CTNND2: variants seen among roughly 807,000 people sequenced by gnomAD.
The protein encoded by CTNND2 is catenin delta-2.
CTNND2 carries 22 observed loss-of-function variants against 144.4 expected under a neutral mutation model. The ratio of observed to expected loss-of-function variants is 0.15; its 90% CI spans 0.11 to 0.22. CTNND2 has a LOEUF of 0.22. CTNND2 is among the 10% of genes least tolerant of loss of function. The pLI, the probability that CTNND2 is intolerant of heterozygous loss-of-function variation, is 1.00. For missense variants in CTNND2, 1,353 were observed against 1,618.8 expected (o/e 0.84, Z 2.82); for synonymous variants, 751 against 695.6 (o/e 1.08, Z -1.25).
chr5:10,991,283 C>T (rs1306513383), intron 19 of CTNND2, among the ~76,000 whole-genome samples: 1 of 152,146 alleles, frequency 6.6e-6, no homozygotes, highest in East Asian at 1.9e-4. Flanking sequence ...GTAGGGAGAC[C>T]ACTTTGCTGG....
intron 3 of CTNND2, among the ~76,000 whole-genome samples, chr5:11,479,115 A>G (rs1262310828): frequency 6.6e-6 from 1 of 152,062 alleles, no homozygotes; most frequent in Non-Finnish European, 1.5e-5. Context: ...ACCTGTACCT[A>G]TTACTTATTT....
intron 9 of CTNND2, among the ~76,000 whole-genome samples, chr5:11,280,504 G>C (rs1343758946): frequency 2.0e-5 from 3 of 152,178 alleles, no homozygotes; most frequent in African/African-American, 4.8e-5. Context: ...ATGATGGAGA[G>C]AGATCAAACT....
intron 3 of CTNND2, among the ~76,000 whole-genome samples, chr5:11,470,233 C>T (rs1191490902): frequency 6.6e-6 from 1 of 151,996 alleles, no homozygotes; most frequent in Non-Finnish European, 1.5e-5. Context: ...GTCAGGAGTT[C>T]GAGACCAGGC....
At chr5:11,863,978 C>G (rs1186514829) in intron 1 of CTNND2, among the ~76,000 whole-genome samples, 1 of 152,174 alleles carries the variant, frequency 6.6e-6, no homozygotes, top group Non-Finnish European at 1.5e-5. Flanking sequence ...CAGAACTCCA[C>G]GTTCTTTTAG....
intron 1 of CTNND2, among the ~76,000 whole-genome samples, chr5:11,737,265 A>T (rs1174561875): frequency 6.6e-6 from 1 of 152,190 alleles, no homozygotes; most frequent in Non-Finnish European, 1.5e-5. Context: ...CCAACCTGAT[A>T]TAGAAAAATG....
At chr5:11,866,733 A>C (rs1361472359) in intron 1 of CTNND2, among the ~76,000 whole-genome samples, 1 of 152,248 alleles carries the variant, frequency 6.6e-6, no homozygotes, top group Admixed American at 6.5e-5. Context: ...TGTTGTCCTA[A>C]TAACAAACTA....
At chr5:11,760,806 T>A (rs77179060) in intron 1 of CTNND2, among the ~76,000 whole-genome samples, 2 of 147,016 alleles carry the variant, frequency 1.4e-5, no homozygotes, top group Non-Finnish European at 3.0e-5. Context: ...AGTTTTTTTT[T>A]AATGATTCTC....
intron 9 of CTNND2, among the ~76,000 whole-genome samples, chr5:11,332,811 C>T (rs547067745): frequency 5.3e-5 from 8 of 152,258 alleles, no homozygotes; most frequent in South Asian, 2.1e-4. Context: ...ATGGGAGGGA[C>T]GTGGTGGGAG....
chr5:11,551,955 G>C (rs192553695), intron 3 of CTNND2, among the ~76,000 whole-genome samples: 3 of 151,956 alleles, frequency 2.0e-5, no homozygotes, highest in African/African-American at 4.8e-5. Context: ...GGCTGGTCTC[G>C]AACTCCTGGC....
intron 12 of CTNND2, among the ~76,000 whole-genome samples, chr5:11,124,137 C>T (rs905243551): frequency 6.6e-6 from 1 of 152,150 alleles, no homozygotes; most frequent in Non-Finnish European, 1.5e-5. Flanking sequence ...ACAACACAGG[C>T]ACCCCCAGTA....
At chr5:11,231,093 C>T (rs550333295) in intron 10 of CTNND2, among the ~76,000 whole-genome samples, 43 of 152,242 alleles carry the variant, frequency 2.8e-4, no homozygotes, top group Non-Finnish European at 4.1e-4. Context: ...GTGAGTCTCA[C>T]GAGATCTGAG....
intron 15 of CTNND2, among the ~76,000 whole-genome samples, chr5:11,086,315 G>T (rs188841318): frequency 2.0e-5 from 3 of 152,208 alleles, no homozygotes; most frequent in Non-Finnish European, 4.4e-5. Flanking sequence ...GTGTCCTGGA[G>T]AAGAGGCTGC....
At chr5:11,758,845 C>T (rs1362165555) in intron 1 of CTNND2, among the ~76,000 whole-genome samples, 2 of 152,028 alleles carry the variant, frequency 1.3e-5, no homozygotes, top group Non-Finnish European at 2.9e-5. Context: ...AGACTTCACA[C>T]ATTTTATTTT....
chr5:11,696,415 A>C (rs1785142756), intron 2 of CTNND2, among the ~76,000 whole-genome samples: 1 of 152,216 alleles, frequency 6.6e-6, no homozygotes, highest in South Asian at 2.1e-4. Context: ...CACTAGTTCA[A>C]GCCCCACTGC....
In CTNND2 at chr5:11,003,185, T is replaced by G. The variant is rs556125885; in HGVS notation, c.3085-10508A>C. On this transcript the variant is annotated intron_variant, in intron 18 of 21. Coordinates refer to ENST00000304623, the MANE Select transcript of CTNND2 (RefSeq NM_001332.4). ...GCCCACAAAGCTTGTCAAGTCTAAT[T>G]TTTTTTTTAAGTGACTTGAGATATA... is the stretch of plus-strand genomic sequence containing the variant. Among the ~76,000 whole-genome samples, 211 of 151,404 alleles carry G rather than the reference T, an allele frequency of 1.4e-3. 1 individual carries two copies. Among genetic ancestry groups the G allele is most frequent in the Middle Eastern group, 0.01 (3 of 294 alleles).
intron 15 of CTNND2, among the ~76,000 whole-genome samples, chr5:11,085,824 G>A (rs559789966): frequency 8.9e-4 from 136 of 152,290 alleles, no homozygotes; most frequent in Non-Finnish European, 1.6e-3. Context: ...CCCCTCCATG[G>A]ATAAGGGGGA....
chr5:11,194,140 C>A (rs1282716416), intron 11 of CTNND2, among the ~76,000 whole-genome samples: 3 of 152,088 alleles, frequency 2.0e-5, no homozygotes, highest in African/African-American at 7.2e-5. Flanking sequence ...ACAGATGGAG[C>A]TCAGGGAGAA....
At chr5:11,084,269 C>T (rs776699235) in intron 15 of CTNND2, among the ~76,000 whole-genome samples, 1 of 152,192 alleles carries the variant, frequency 6.6e-6, no homozygotes, top group Non-Finnish European at 1.5e-5. Flanking sequence ...GAACTGATAT[C>T]CCCTCCCAGG....
chr5:11,636,038 CCGCCACACA>C (rs1391968411), intron 2 of CTNND2, among the ~76,000 whole-genome samples: 1 of 150,588 alleles, frequency 6.6e-6, no homozygotes, highest in African/African-American at 2.4e-5. Context: ...CCCCCCACCC[CCGCCACACA>C]CACATTCATG....
Sources: allele counts gnomAD v4.1 joint callset (sites outside exome capture counted in the v4.1 genomes callset), GRCh38; gene constraint gnomAD v4.1.1; transcripts MANE v1.5; gene names NCBI Gene and HGNC (gene_info 2026-07-23, HGNC 2026-07-21).